EXOC6B: variants seen among roughly 807,000 people sequenced by gnomAD.
EXOC6B encodes SEC15 homolog B.
A neutral mutation model predicts 113.5 loss-of-function variants in EXOC6B; 54 were observed. The observed-to-expected ratio is 0.48, with a 90% CI of 0.38 to 0.60. The LOEUF is 0.60. Ranked by LOEUF, EXOC6B falls within the 20% of genes least tolerant of loss-of-function variation. The probability of loss-of-function intolerance (pLI) is 0.00; values close to 1 mark genes in which losing one functional copy is unlikely to be tolerated. For missense variants in EXOC6B, 797 were observed against 977.5 expected (o/e 0.82, Z 2.46); for synonymous variants, 357 against 339.0 (o/e 1.05, Z -0.58).
At chr2:72,717,759 A>G (rs1411866218) in intron 6 of EXOC6B, among the ~76,000 whole-genome samples, 1 of 152,202 alleles carries the variant, frequency 6.6e-6, no homozygotes, top group Non-Finnish European at 1.5e-5. Context: ...CATGCAGTAC[A>G]ATTTAGGTCA....
chr2:72,346,052 C>T (rs899361623), intron 19 of EXOC6B, among the ~76,000 whole-genome samples: 2 of 151,840 alleles, frequency 1.3e-5, no homozygotes. Context: ...TGAAGGCTAA[C>T]TCTAACATAT....
At chr2:72,429,380 G>C (rs1449211420) in intron 18 of EXOC6B, among the ~76,000 whole-genome samples, 1 of 152,142 alleles carries the variant, frequency 6.6e-6, no homozygotes, top group African/African-American at 2.4e-5. Flanking sequence ...AAGCAAACAG[G>C]CCTCCTTTTA....
intron 1 of EXOC6B, among the ~76,000 whole-genome samples, chr2:72,752,325 A>C (rs1020164633): frequency 6.6e-6 from 1 of 152,108 alleles, no homozygotes; most frequent in Non-Finnish European, 1.5e-5. Flanking sequence ...TCTCAATGCA[A>C]GACTAATCCT....
intron 20 of EXOC6B, among the ~76,000 whole-genome samples, chr2:72,230,146 T>C (rs917697749): frequency 1.3e-5 from 2 of 152,274 alleles, no homozygotes; most frequent in Admixed American, 6.5e-5. Flanking sequence ...CAGTGCCATA[T>C]TGAGGGTTCT....
At chr2:72,553,264 A>G (rs1703342257) in intron 8 of EXOC6B, among the ~76,000 whole-genome samples, 1 of 152,136 alleles carries the variant, frequency 6.6e-6, no homozygotes, top group African/African-American at 2.4e-5. Context: ...CTAACAAAGA[A>G]TGCCCAAAAC....
intron 16 of EXOC6B, among the ~76,000 whole-genome samples, chr2:72,482,032 G>T (rs1376852397): frequency 6.6e-6 from 1 of 152,128 alleles, no homozygotes; most frequent in Non-Finnish European, 1.5e-5. Context: ...ATTTTCTTTA[G>T]ATCACACAGC....
chr2:72,726,124 A>G (rs535165968), intron 5 of EXOC6B, among the ~76,000 whole-genome samples: 6 of 152,348 alleles, frequency 3.9e-5, no homozygotes, highest in Non-Finnish European at 7.3e-5. Context: ...GGAAAAAGTC[A>G]GACACAAAAG....
chr2:72,731,059 AG>A lies in EXOC6B; in HGVS notation c.419-8del. The A allele has an allele frequency of 6.4e-7, 1 of 1,553,146 alleles. No homozygotes were observed. On this transcript the variant is annotated splice_polypyrimidine_tract_variant and splice_region_variant and intron_variant, in intron 4 of 21. Coordinates refer to ENST00000272427, the MANE Select transcript of EXOC6B (RefSeq NM_015189.3). Reference sequence around the variant, plus strand: ...TTGCTGTACATCTCTAGGACTTAAAAGAAAGAAAAGAATACACAAACATGAT... The same window carrying A: ...TTGCTGTACATCTCTAGGACTTAAAAAAAGAAAAGAATACACAAACATGAT...
chr2:72,465,444 T>A, intron 17 of EXOC6B, 105 bp from the exon 18 acceptor site: 1 of 808,216 alleles, frequency 1.2e-6, no homozygotes, highest in Non-Finnish European at 1.9e-6. Context: ...ACTGGGAATA[T>A]AACTGGGAAT....
intron 19 of EXOC6B, among the ~76,000 whole-genome samples, chr2:72,358,207 T>C (rs1690086859): frequency 6.6e-6 from 1 of 152,204 alleles, no homozygotes; most frequent in African/African-American, 2.4e-5. Flanking sequence ...GCATTTCACA[T>C]GCATTATCTC....
intron 11 of EXOC6B, among the ~76,000 whole-genome samples, chr2:72,512,409 A>G (rs1700982807): frequency 1.6e-5 from 2 of 124,078 alleles, no homozygotes; most frequent in African/African-American, 6.2e-5. Flanking sequence ...GGAAGGAAGG[A>G]AGGAAGGAAG....
intron 20 of EXOC6B, among the ~76,000 whole-genome samples, chr2:72,216,107 G>A (rs956646655): frequency 6.6e-6 from 1 of 151,832 alleles, no homozygotes; most frequent in African/African-American, 2.4e-5. Context: ...TGGAAAATAT[G>A]AACACTTCTA....
intron 21 of EXOC6B, among the ~76,000 whole-genome samples, chr2:72,182,108 C>T (rs921299212): frequency 3.3e-5 from 5 of 152,092 alleles, no homozygotes; most frequent in African/African-American, 1.2e-4. Flanking sequence ...CTGGGAGATA[C>T]GGATTGTAGT....
chr2:72,803,536 C>T (rs1048854394), intron 1 of EXOC6B, among the ~76,000 whole-genome samples: 1 of 151,950 alleles, frequency 6.6e-6, no homozygotes, highest in Non-Finnish European at 1.5e-5. Flanking sequence ...GTCCAAAACA[C>T]TTTGAGAGCA....
intron 18 of EXOC6B, among the ~76,000 whole-genome samples, chr2:72,410,831 G>C (rs908205434): frequency 2.0e-5 from 3 of 151,084 alleles, no homozygotes; most frequent in Non-Finnish European, 4.4e-5. Flanking sequence ...ACACTACTAA[G>C]AAAAAAAAAT....
chr2:72,697,683 G>A (rs2104617798), intron 6 of EXOC6B, among the ~76,000 whole-genome samples: 1 of 152,228 alleles, frequency 6.6e-6, no homozygotes, highest in African/African-American at 2.4e-5. Context: ...GACCCTGCCT[G>A]TCTCACCTCT....
chr2:72,515,030 A>T lies in EXOC6B; in HGVS notation c.999+13T>A, dbSNP rs1477513066. 1.3e-6 allele frequency: 2 copies of T among 1,593,126 alleles called. No homozygotes were observed. Among genetic ancestry groups the T allele is most frequent in the Non-Finnish European group, 1.7e-6 (2 of 1,168,650 alleles). ...AAGTAAAAATGTGAGAAAAGTGAAG[A>T]TGGTAATCCTACCATGTTAGATGGA... On this transcript the variant is annotated intron_variant, in intron 9 of 21. Coordinates refer to ENST00000272427, the MANE Select transcript of EXOC6B (RefSeq NM_015189.3).
chr2:72,532,611 C>T (rs973481700), intron 8 of EXOC6B, among the ~76,000 whole-genome samples: 1 of 152,044 alleles, frequency 6.6e-6, no homozygotes, highest in Non-Finnish European at 1.5e-5. Flanking sequence ...AGTTCGAGAC[C>T]AGCCTGACCA....
intron 1 of EXOC6B, among the ~76,000 whole-genome samples, chr2:72,819,926 T>C (rs950333450): frequency 6.6e-6 from 1 of 152,176 alleles, no homozygotes; most frequent in African/African-American, 2.4e-5. Flanking sequence ...CTTATAAAAA[T>C]AAATTGATTT....
Sources: allele counts gnomAD v4.1 joint callset (sites outside exome capture counted in the v4.1 genomes callset), GRCh38; gene constraint gnomAD v4.1.1; transcripts MANE v1.5; gene names NCBI Gene and HGNC (gene_info 2026-07-23, HGNC 2026-07-21).